The following CLIC5 variants were observed in gnomAD, a reference collection of about 807,000 sequenced individuals.
CLIC5 encodes chloride intracellular channel protein 5.
A neutral mutation model predicts 24.7 loss-of-function variants in CLIC5; 20 were observed. That is an observed-to-expected ratio of 0.81 (90% CI 0.57 to 1.18). CLIC5 has a LOEUF of 1.18. Among genes scored for constraint, CLIC5 ranks in the 50% most tolerant of loss-of-function variants. The pLI is 0.00. For synonymous variants in CLIC5, 159 were observed against 135.6 expected, an observed-to-expected ratio of 1.17 and a Z score of -1.20; for missense variants, 341 against 326.1, an observed-to-expected ratio of 1.05 and a Z score of -0.35.
intron 1 of CLIC5, among the ~76,000 whole-genome samples, chr6:46,026,902 C>T (rs1337664529): frequency 6.6e-6 from 1 of 151,952 alleles, no homozygotes; most frequent in Non-Finnish European, 1.5e-5. Flanking sequence ...AACCAGAAGA[C>T]GAGATAACCA....
chr6:46,096,162 C>T, the CLIC5 span, among the ~76,000 whole-genome samples: 1 of 152,094 alleles, frequency 6.6e-6, no homozygotes, highest in African/African-American at 2.4e-5. Context: ...TTTTAAGTGA[C>T]CAGATCTCAT....
chr6:46,105,014 G>A, the CLIC5 span, among the ~76,000 whole-genome samples: 2 of 152,088 alleles, frequency 1.3e-5, no homozygotes, highest in African/African-American at 4.8e-5. Flanking sequence ...TTGGCTTTTG[G>A]GAGTAGGCAT....
At chr6:46,012,417 A>T (rs1468541026) in intron 1 of CLIC5, among the ~76,000 whole-genome samples, 1 of 152,224 alleles carries the variant, frequency 6.6e-6, no homozygotes, top group Non-Finnish European at 1.5e-5. Flanking sequence ...GAAACTAAAA[A>T]TGTGGGGAAA....
chr6:45,965,998 A>T (rs1765005028), intron 1 of CLIC5, among the ~76,000 whole-genome samples: 1 of 152,140 alleles, frequency 6.6e-6, no homozygotes, highest in Non-Finnish European at 1.5e-5. Flanking sequence ...ATTATTACTC[A>T]TCTGCCCTTC....
chr6:46,009,009 C>T lies in CLIC5; in HGVS notation c.63+6471G>A, dbSNP rs117779417. On this transcript the variant is annotated intron_variant, in intron 1 of 5. Coordinates refer to ENST00000339561, the MANE Select transcript of CLIC5 (RefSeq NM_016929.5). Reference sequence around the variant, plus strand: ...GGGTAGCTTCTTAAGCATACAGATGCCTGGGCCTCACCCCACCCTCCTAAA... The same window carrying T: ...GGGTAGCTTCTTAAGCATACAGATGTCTGGGCCTCACCCCACCCTCCTAAA... Among the ~76,000 whole-genome samples, 266 of 152,202 alleles carry T rather than the reference C, an allele frequency of 1.7e-3. 9 individuals carry two copies. The East Asian group carries it at 0.046, about 27-fold the overall frequency.
chr6:45,881,979 TAAA>T (rs5875939), intron 6 of CLIC5, among the ~76,000 whole-genome samples: 1 of 148,248 alleles, frequency 6.7e-6, no homozygotes, highest in Non-Finnish European at 1.5e-5. Flanking sequence ...AGACTTCCTT[TAAA>T]AAAAAAAAAA....
At chr6:46,001,566 G>A (rs1380147305) in intron 1 of CLIC5, among the ~76,000 whole-genome samples, 1 of 152,126 alleles carries the variant, frequency 6.6e-6, no homozygotes, top group South Asian at 2.1e-4. Flanking sequence ...AGACCCCCAG[G>A]CTGCAAGTTC....
At chr6:46,008,494 C>A (rs1414344651) in intron 1 of CLIC5, among the ~76,000 whole-genome samples, 1 of 152,202 alleles carries the variant, frequency 6.6e-6, no homozygotes, top group Non-Finnish European at 1.5e-5. Flanking sequence ...TTGCATTGCA[C>A]TCCTCAGTGG....
chr6:46,062,681 T>C (rs1042767735), intron 1 of CLIC5, among the ~76,000 whole-genome samples: 21 of 152,228 alleles, frequency 1.4e-4, no homozygotes, highest in Admixed American at 2.6e-4. Context: ...TGTCATACTT[T>C]TGAGGGAGTG....
At chr6:46,079,940 C>T (rs1311714628) in exon 1 of CLIC5, 2 of 1,551,586 alleles carry the variant, frequency 1.3e-6, no homozygotes, top group Admixed American at 3.9e-5. Context: ...TGCCCCTGTC[C>T]TCCTGGGGCT....
At chr6:46,060,788 T>A (rs942847731) in intron 1 of CLIC5, among the ~76,000 whole-genome samples, 1 of 152,176 alleles carries the variant, frequency 6.6e-6, no homozygotes, top group African/African-American at 2.4e-5. Context: ...TCCAGTCCTG[T>A]TCCATCTCTG....
At chr6:46,095,797 A>G in the CLIC5 span, among the ~76,000 whole-genome samples, 1 of 152,166 alleles carries the variant, frequency 6.6e-6, no homozygotes, top group Non-Finnish European at 1.5e-5. Context: ...ACTCAGTTCC[A>G]AAGCTGCTTC....
At chr6:45,973,060 G>A (rs1018785797) in intron 1 of CLIC5, among the ~76,000 whole-genome samples, 2 of 152,154 alleles carry the variant, frequency 1.3e-5, no homozygotes, top group African/African-American at 4.8e-5. Flanking sequence ...GCTGAAACTG[G>A]AGCTGAGGTT....
chr6:46,057,808 C>T (rs1270342641), intron 1 of CLIC5, among the ~76,000 whole-genome samples: 1 of 152,204 alleles, frequency 6.6e-6, no homozygotes, highest in African/African-American at 2.4e-5. Context: ...CAGTTTGTCC[C>T]AGTTCATGAC....
intron 1 of CLIC5, among the ~76,000 whole-genome samples, chr6:46,030,586 G>A (rs969633581): frequency 6.6e-6 from 1 of 152,026 alleles, no homozygotes; most frequent in Non-Finnish European, 1.5e-5. Context: ...TGATGTACTA[G>A]GTTGGGACCT....
At chr6:46,089,598 T>C in the CLIC5 span, among the ~76,000 whole-genome samples, 499 of 152,248 alleles carry the variant, frequency 3.3e-3, 3 homozygotes, top group African/African-American at 0.011. Flanking sequence ...CAAATCCTTT[T>C]CTTTATTGTG....
At chr6:45,985,688 C>T (rs1394657986) in intron 1 of CLIC5, among the ~76,000 whole-genome samples, 1 of 152,086 alleles carries the variant, frequency 6.6e-6, no homozygotes, top group Non-Finnish European at 1.5e-5. Flanking sequence ...ATTGCCTTGG[C>T]CCCATCCCTA....
chr6:46,102,348 G>A, the CLIC5 span, among the ~76,000 whole-genome samples: 1 of 152,190 alleles, frequency 6.6e-6, no homozygotes, highest in Non-Finnish European at 1.5e-5. Context: ...TCTGAGCAGC[G>A]TTCCTTCCTT....
intron 1 of CLIC5, among the ~76,000 whole-genome samples, chr6:46,044,781 A>T (rs896537682): frequency 6.6e-6 from 1 of 152,232 alleles, no homozygotes; most frequent in Non-Finnish European, 1.5e-5. Flanking sequence ...AACACAATTA[A>T]TGAAAGTTAC....
Sources: gnomAD v4.1 joint callset for allele counts (sites outside exome capture counted in the v4.1 genomes callset) on GRCh38, gnomAD v4.1.1 for gene constraint, MANE v1.5 for transcripts, NCBI Gene and HGNC (gene_info 2026-07-23, HGNC 2026-07-21) for gene names.